Variants in CECR2 observed in about 807,000 individuals in gnomAD.
The protein encoded by CECR2 is chromatin remodeling regulator CECR2.
CECR2 carries 30 observed loss-of-function variants against 154.5 expected under a neutral mutation model. That is an observed-to-expected ratio of 0.19 (90% CI 0.15 to 0.26). The LOEUF (loss-of-function observed/expected upper bound fraction) is 0.26. CECR2 is among the 10% of genes least tolerant of loss of function. The pLI is 1.00. For synonymous variants in CECR2, 725 were observed against 683.7 expected, an observed-to-expected ratio of 1.06 and a Z score of -0.94; for missense variants, 1,743 against 1,829.3, an observed-to-expected ratio of 0.95 and a Z score of 0.86.
chr22:17,474,420 TC>T (rs2055176490), intron 1 of CECR2, among the ~76,000 whole-genome samples: 1 of 152,212 alleles, frequency 6.6e-6, no homozygotes, highest in South Asian at 2.1e-4. Context: ...GACGCAGAGT[TC>T]CTCTCCCTAT....
At chr22:17,435,310 G>T (rs1018630417) in intron 1 of CECR2, among the ~76,000 whole-genome samples, 1 of 152,068 alleles carries the variant, frequency 6.6e-6, no homozygotes, top group African/African-American at 2.4e-5. Context: ...TGCATTCCAT[G>T]AAACTGACTA....
intron 1 of CECR2, among the ~76,000 whole-genome samples, chr22:17,450,688 A>G (rs2054754724): frequency 6.6e-6 from 1 of 152,090 alleles, no homozygotes; most frequent in African/African-American, 2.4e-5. Context: ...CTATTTAATA[A>G]TAGTACATTA....
intron 1 of CECR2, among the ~76,000 whole-genome samples, chr22:17,373,035 G>C (rs1437559242): frequency 6.6e-6 from 1 of 152,084 alleles, no homozygotes; most frequent in Non-Finnish European, 1.5e-5. Flanking sequence ...CCAAAACGTG[G>C]ATATTTTTAT....
chr22:17,482,556 C>T (rs576038328), intron 2 of CECR2, among the ~76,000 whole-genome samples: 18 of 152,016 alleles, frequency 1.2e-4, no homozygotes, highest in South Asian at 2.1e-4. Flanking sequence ...TTTTTTGACA[C>T]GGGGTCTCAC....
chr22:17,464,015 G>A (rs1429735527), intron 1 of CECR2, among the ~76,000 whole-genome samples: 2 of 152,206 alleles, frequency 1.3e-5, no homozygotes, highest in Non-Finnish European at 1.5e-5. Context: ...CAACTTAAAT[G>A]CTGCTTTTAA....
chr22:17,486,591 T>C (rs930458354), intron 2 of CECR2, among the ~76,000 whole-genome samples: 1 of 152,176 alleles, frequency 6.6e-6, no homozygotes, highest in East Asian at 1.9e-4. Context: ...AGGGCAAGCC[T>C]TACTACAGCT....
chr22:17,455,253 T>G (rs947205092), intron 1 of CECR2, among the ~76,000 whole-genome samples: 1 of 152,224 alleles, frequency 6.6e-6, no homozygotes, highest in East Asian at 1.9e-4. Context: ...ATAAAGTACA[T>G]TGATTTCTTT....
intron 8 of CECR2, among the ~76,000 whole-genome samples, chr22:17,522,339 A>T (rs971734077): frequency 6.6e-6 from 1 of 152,226 alleles, no homozygotes; most frequent in Non-Finnish European, 1.5e-5. Flanking sequence ...TGGAACAATT[A>T]AGAACCTTGG....
At chr22:17,361,635 A>T (rs1376865237) in intron 1 of CECR2, among the ~76,000 whole-genome samples, 3 of 151,850 alleles carry the variant, frequency 2.0e-5, no homozygotes, top group Non-Finnish European at 4.4e-5. Context: ...GCTACTCGGG[A>T]GGCTGAGGCA....
At chr22:17,432,540 C>T (rs2054441340) in intron 1 of CECR2, among the ~76,000 whole-genome samples, 1 of 152,216 alleles carries the variant, frequency 6.6e-6, no homozygotes, top group Non-Finnish European at 1.5e-5. Flanking sequence ...TTTTGAAGAA[C>T]TGCCAGACTT....
intron 8 of CECR2, among the ~76,000 whole-genome samples, chr22:17,521,582 T>C (rs1421769886): frequency 1.3e-5 from 2 of 152,194 alleles, no homozygotes; most frequent in East Asian, 1.9e-4. Flanking sequence ...TGCCCACTTT[T>C]TCATGGGGTT....
intron 1 of CECR2, among the ~76,000 whole-genome samples, chr22:17,370,710 A>G (rs1301977201): frequency 4.6e-5 from 7 of 152,062 alleles, no homozygotes; most frequent in Non-Finnish European, 4.4e-5. Flanking sequence ...CTGGGCCGAA[A>G]CCCGAGGGTC....
intron 1 of CECR2, among the ~76,000 whole-genome samples, chr22:17,449,675 G>C (rs891387784): frequency 1.3e-5 from 2 of 151,658 alleles, no homozygotes. Context: ...ATTTTTAGTG[G>C]CGACGGGGTT....
chr22:17,414,833 A>G (rs1239153947), intron 1 of CECR2, among the ~76,000 whole-genome samples: 1 of 152,076 alleles, frequency 6.6e-6, no homozygotes, highest in Non-Finnish European at 1.5e-5. Context: ...GATTATAGCT[A>G]GTACCCCCCA....
chr22:17,511,762 G>C, intron 7 of CECR2, 51 bp from the exon 8 acceptor site: 3 of 1,518,196 alleles, frequency 2.0e-6, no homozygotes, highest in Non-Finnish European at 9.1e-7. Context: ...ATCAGTAGTT[G>C]AGAACACCCT....
intron 1 of CECR2, among the ~76,000 whole-genome samples, chr22:17,430,557 C>T (rs2146634247): frequency 6.6e-6 from 1 of 152,320 alleles, no homozygotes; most frequent in African/African-American, 2.4e-5. Flanking sequence ...GATTGATTTT[C>T]CTTCTCCTTC....
chr22:17,378,036 T>A (rs535759046), intron 1 of CECR2, among the ~76,000 whole-genome samples: 1 of 151,786 alleles, frequency 6.6e-6, no homozygotes, highest in African/African-American at 2.4e-5. Context: ...CAGGCTGGAG[T>A]GCAGTGGCGC....
chr22:17,465,558 C>T (rs896809707), intron 1 of CECR2, among the ~76,000 whole-genome samples: 7 of 152,046 alleles, frequency 4.6e-5, no homozygotes. Context: ...ATTCTTGGCT[C>T]ACTGCAACTT....
intron 1 of CECR2, among the ~76,000 whole-genome samples, chr22:17,436,349 A>T (rs1376769891): frequency 6.6e-6 from 1 of 152,248 alleles, no homozygotes; most frequent in Non-Finnish European, 1.5e-5. Flanking sequence ...TTCTATGCAC[A>T]ATAATACAAC....
Sources: gnomAD v4.1 joint callset for allele counts (sites outside exome capture counted in the v4.1 genomes callset) on GRCh38, gnomAD v4.1.1 for gene constraint, MANE v1.5 for transcripts, NCBI Gene and HGNC (gene_info 2026-07-23, HGNC 2026-07-21) for gene names.